Variants in CAMK1G observed in about 807,000 individuals in gnomAD.
The protein encoded by CAMK1G is calcium/calmodulin-dependent protein kinase type 1G.
A neutral mutation model predicts 54.8 loss-of-function variants in CAMK1G; 27 were observed. The ratio of observed to expected loss-of-function variants is 0.49; its 90% CI spans 0.36 to 0.68. The LOEUF (loss-of-function observed/expected upper bound fraction) is 0.68. Among genes scored for constraint, CAMK1G ranks in the 30% least tolerant of loss-of-function variants. CAMK1G has a pLI of 0.00. For synonymous variants in CAMK1G, 238 were observed against 224.9 expected (o/e 1.06, Z -0.52); for missense variants, 512 against 591.0 (o/e 0.87, Z 1.39).
At chr1:209,597,857 G>C (rs1051175414) in intron 2 of CAMK1G, among the ~76,000 whole-genome samples, 5 of 152,106 alleles carry the variant, frequency 3.3e-5, no homozygotes, top group Non-Finnish European at 7.4e-5. Context: ...TTGTACTACT[G>C]GGTGTTCTTC....
At chr1:209,588,462 A>G (rs1665161934) in intron 1 of CAMK1G, among the ~76,000 whole-genome samples, 1 of 152,134 alleles carries the variant, frequency 6.6e-6, no homozygotes, top group African/African-American at 2.4e-5. Flanking sequence ...AAGACTCTGG[A>G]TCACCTAATT....
At chr1:209,584,328 G>A (rs761551075) in intron 1 of CAMK1G, among the ~76,000 whole-genome samples, 2 of 152,176 alleles carry the variant, frequency 1.3e-5, no homozygotes, top group Admixed American at 6.5e-5. Context: ...TAAGGAAGAC[G>A]AGTCAGCCTC....
In CAMK1G at chr1:209,587,139, G is replaced by C. The variant is rs151121988; in HGVS notation, c.-30+3367G>C. ...TCTCTCCAGCCAGAAGCTTCCTGAA[G>C]CCTTTAGGTTCCAGAGCCTCAGCTT... On this transcript the variant is annotated intron_variant, in intron 1 of 12. Coordinates refer to ENST00000361322, the MANE Select transcript of CAMK1G (RefSeq NM_020439.3). Among the ~76,000 whole-genome samples the C allele has an allele frequency of 8.3e-3, 1,265 of 152,082 alleles. 11 individuals carry two copies. Among genetic ancestry groups the C allele is most frequent in the Admixed American group, 0.013 (203 of 15,286 alleles).
In CAMK1G at chr1:209,603,245, G is replaced by C; in HGVS notation, c.253G>C (p.Asp85His). The change falls in exon 4 of 13, where the codon GAC becomes CAC. Residue 85 changes from aspartate (D) to histidine (H), a missense_variant. This residue lies in a region of CAMK1G where 186 missense variants were observed against 231.5 expected (regional missense o/e 0.80). Coordinates refer to ENST00000361322, the MANE Select transcript of CAMK1G (RefSeq NM_020439.3). Reference protein sequence around the residue: ...IKHENIVTLEDIYESTTHYYL... With the variant: ...IKHENIVTLEHIYESTTHYYL... Reference sequence around the variant, plus strand: ...GCATGAAAACATTGTGACCCTGGAGGACATCTATGAGAGCACCACCCACTA... The same window carrying C: ...GCATGAAAACATTGTGACCCTGGAGCACATCTATGAGAGCACCACCCACTA... The C allele has an allele frequency of 7.4e-6, 12 of 1,614,100 alleles. No homozygotes were observed. Among genetic ancestry groups the C allele is most frequent in the African/African-American group, 1.3e-5 (1 of 75,018 alleles).
rs1553272847 is a variant in CAMK1G, at chr1:209,592,364, A to AAAAAC, written c.-29-2591_-29-2590insAAAAC. ...TGTCTCAAAAAAAAAAAAAAAAAAA[A>AAAAAC]CTCCAGTACTCCTACTGTGGTCACT... On this transcript the variant is annotated intron_variant, in intron 1 of 12. Transcript: ENST00000361322. 9.0e-5 allele frequency among the ~76,000 whole-genome samples: 13 copies of AAAAAC among 143,838 alleles called. 1 individual carries two copies. The highest frequency in any genetic ancestry group is 1.5e-4 in the Non-Finnish European group (10 of 65,580). 94.4% of individuals were successfully genotyped at this position (143,838 alleles called of 152,430 possible).
At chr1:209,595,230 T>G (rs1260429503) in intron 2 of CAMK1G, among the ~76,000 whole-genome samples, 155 bp downstream of exon 2, 1 of 152,150 alleles carries the variant, frequency 6.6e-6, no homozygotes, top group Non-Finnish European at 1.5e-5. Flanking sequence ...TTTTGTGGCC[T>G]GGAGGATGGT....
intron 1 of CAMK1G, among the ~76,000 whole-genome samples, chr1:209,588,478 C>T (rs1039320546): frequency 5.9e-5 from 9 of 152,162 alleles, no homozygotes; most frequent in Non-Finnish European, 7.4e-5. Flanking sequence ...TAATTAGGAG[C>T]GTAACAGTTT....
Position 209,584,222 on chromosome 1 carries a change from A to G in CAMK1G, c.-30+450A>G, listed in dbSNP as rs185920091. On this transcript the variant is annotated intron_variant, in intron 1 of 12. Coordinates refer to ENST00000361322, the MANE Select transcript of CAMK1G (RefSeq NM_020439.3). ...ACCTCTCTGACCCCATCCATCAAAT[A>G]AAGTATGCCCTCTCTGCCGACCTCT... Among the ~76,000 whole-genome samples, 150 of 152,214 alleles carry G rather than the reference A, an allele frequency of 9.9e-4. 1 individual carries two copies. The highest frequency in any genetic ancestry group is 1.9e-3 in the Admixed American group (29 of 15,300).
chr1:209,611,503 C>G lies in CAMK1G; in HGVS notation c.866C>G (p.Pro289Arg). 2 of 1,614,208 alleles carry G rather than the reference C, an allele frequency of 1.2e-6. No individual in the cohort carries two copies. The highest frequency in any genetic ancestry group is 2.2e-5 in the South Asian group (2 of 91,084). The change falls in exon 10 of 13, where the codon CCA becomes CGA. Residue 289 changes from proline (P) to arginine (R), a missense_variant. Pro to Arg is a moderately radical substitution (Grantham distance 103). Transcript: ENST00000361322. ...ACAGCCCTCCACCGGGACATCTACC[C>G]ATCAGTCAGCCTCCAGATCCAGAAG... is the stretch of plus-strand genomic sequence containing the variant. ...GNTALHRDIYPSVSLQIQKNF... is the reference protein window; with the variant it reads ...GNTALHRDIYRSVSLQIQKNF...
At chr1:209,592,356 A>AAAAC (rs1553272850) in intron 1 of CAMK1G, among the ~76,000 whole-genome samples, 2 of 148,054 alleles carry the variant, frequency 1.4e-5, no homozygotes, top group South Asian at 2.2e-4. Context: ...AAAAAAAAAA[A>AAAAC]AAAAAAAACT....
At chr1:209,609,600 G>A (rs1038792726) in intron 8 of CAMK1G, among the ~76,000 whole-genome samples, 5 of 152,206 alleles carry the variant, frequency 3.3e-5, no homozygotes, top group South Asian at 2.1e-4. Flanking sequence ...AGGCACATGG[G>A]GGCCTTGTGA....
chr1:209,611,449 CCT>C lies in CAMK1G; in HGVS notation c.828-13_828-12del. 1 of 1,613,678 alleles carries C rather than the reference CCT, an allele frequency of 6.2e-7. No homozygotes were observed. The highest frequency in any genetic ancestry group is 8.5e-7 in the Non-Finnish European group (1 of 1,179,666). On this transcript the variant is annotated splice_polypyrimidine_tract_variant and intron_variant, in intron 9 of 12. Transcript: ENST00000361322. ...ATAGCCACCCAGTAGCCAGGTGTCC[CCT>C]CTTACATCCACAGGATTGACGGAAA...
chr1:209,606,966 C>T (rs1309005740), intron 6 of CAMK1G, among the ~76,000 whole-genome samples: 2 of 152,174 alleles, frequency 1.3e-5, no homozygotes, highest in African/African-American at 4.8e-5. Flanking sequence ...CCTGCTTGAA[C>T]ATCCCTGTAG....
At chr1:209,602,276 C>A (rs1168682342) in intron 3 of CAMK1G, among the ~76,000 whole-genome samples, 1 of 152,122 alleles carries the variant, frequency 6.6e-6, no homozygotes, top group African/African-American at 2.4e-5. Context: ...CTGCCCTAGT[C>A]GTGACAATCA....
At chr1:209,609,799 T>C in intron 8 of CAMK1G, 52 bp from the exon 9 acceptor site, 3 of 1,571,994 alleles carry the variant, frequency 1.9e-6, no homozygotes, top group Non-Finnish European at 8.8e-7. Flanking sequence ...TGAATTTCCA[T>C]CAGTCATGAA....
At chr1:209,610,631 G>A (rs1280785861) in intron 9 of CAMK1G, among the ~76,000 whole-genome samples, 2 of 152,122 alleles carry the variant, frequency 1.3e-5, no homozygotes, top group South Asian at 2.1e-4. Context: ...CTCTTGCCCT[G>A]TATGTAGCAT....
At chr1:209,590,899 T>G (rs1453477350) in intron 1 of CAMK1G, among the ~76,000 whole-genome samples, 1 of 152,146 alleles carries the variant, frequency 6.6e-6, no homozygotes, top group African/African-American at 2.4e-5. Flanking sequence ...AATGAGGCTC[T>G]TTAAACCTGA....
chr1:209,611,642 T>C, intron 10 of CAMK1G, 90 bp downstream of exon 10: 1 of 1,481,912 alleles, frequency 6.7e-7, no homozygotes, highest in Non-Finnish European at 9.3e-7. Flanking sequence ...TTCCTTGGGA[T>C]GTCCCAGAAG....
At chr1:209,599,271 G>A (rs1442249850) in intron 2 of CAMK1G, among the ~76,000 whole-genome samples, 1 of 152,198 alleles carries the variant, frequency 6.6e-6, no homozygotes, top group East Asian at 1.9e-4. Flanking sequence ...TTCAAGATGA[G>A]ATTTGAGTGG....
Sources: allele counts gnomAD v4.1 joint callset (sites outside exome capture counted in the v4.1 genomes callset), GRCh38; gene constraint gnomAD v4.1.1; regional missense constraint gnomAD v4.1.1; transcripts MANE v1.5; gene names NCBI Gene and HGNC (gene_info 2026-07-23, HGNC 2026-07-21).